Variants in GAS7 observed in about 807,000 individuals in gnomAD.
The protein encoded by GAS7 is growth arrest specific 7.
A neutral mutation model predicts 71.1 loss-of-function variants in GAS7; 28 were observed. The ratio of observed to expected loss-of-function variants is 0.39; its 90% confidence interval spans 0.29 to 0.54. The LOEUF is 0.54. Among genes scored for constraint, GAS7 ranks in the 20% least tolerant of loss-of-function variants. The pLI is 0.62. For synonymous variants in GAS7, 258 were observed against 245.8 expected, an observed-to-expected ratio of 1.05 and a Z score of -0.46; for missense variants, 436 against 627.8, an observed-to-expected ratio of 0.69 and a Z score of 3.27.
intron 1 of GAS7, among the ~76,000 whole-genome samples, chr17:10,140,370 G>T (rs2074070285): frequency 6.6e-6 from 1 of 152,090 alleles, no homozygotes; most frequent in East Asian, 1.9e-4. Flanking sequence ...GCTACGGTGG[G>T]AACATCATTT....
At chr17:9,925,386 G>A in intron 11 of GAS7, 90 bp downstream of exon 11, 1 of 1,343,574 alleles carries the variant, frequency 7.4e-7, no homozygotes, top group Non-Finnish European at 1.1e-6. Flanking sequence ...GCAAAGGAGA[G>A]ATGCACCCTC....
At position 10,029,747 on chromosome 17, in the gene GAS7, G is replaced by A. The variant is rs542598975; in HGVS notation, c.184-9850C>T. On this transcript the variant is annotated intron_variant, in intron 1 of 13. Coordinates refer to ENST00000432992, the MANE Select transcript of GAS7 (RefSeq NM_201433.2). The stretch of plus-strand genomic sequence containing the variant: ...CACACCTTTAGTCCCAGCTACTAGG[G>A]AGGCTGAGACAGGAGAATTGCTTGA... Among the ~76,000 whole-genome samples, 3 of 152,196 alleles carry A rather than the reference G, an allele frequency of 2.0e-5. No homozygotes were observed. The East Asian group carries it at 5.8e-4, about 29-fold the overall frequency.
chr17:10,159,407 C>G (rs547568093), intron 1 of GAS7, among the ~76,000 whole-genome samples: 1 of 152,024 alleles, frequency 6.6e-6, no homozygotes, highest in African/African-American at 2.4e-5. Flanking sequence ...ACCCAAAGAT[C>G]CAAGAGTAGG....
At chr17:9,931,155 T>C (rs1168687460) in intron 9 of GAS7, among the ~76,000 whole-genome samples, 1 of 152,198 alleles carries the variant, frequency 6.6e-6, no homozygotes, top group Admixed American at 6.5e-5. Flanking sequence ...ATTCGCTCAG[T>C]CCTTTCCTTT....
At chr17:10,192,521 T>A (rs1225921125) in intron 1 of GAS7, among the ~76,000 whole-genome samples, 2 of 152,152 alleles carry the variant, frequency 1.3e-5, no homozygotes, top group African/African-American at 4.8e-5. Context: ...TTTTCCAGAC[T>A]GAGAAGAGTA....
intron 1 of GAS7, among the ~76,000 whole-genome samples, chr17:10,049,169 C>G (rs143872689): frequency 6.6e-6 from 1 of 152,294 alleles, no homozygotes; most frequent in African/African-American, 2.4e-5. Context: ...TCGTGTCCAC[C>G]AAAGCAACAC....
chr17:10,010,399 G>A (rs1004625237), intron 2 of GAS7, among the ~76,000 whole-genome samples: 7 of 152,110 alleles, frequency 4.6e-5, no homozygotes, highest in South Asian at 2.1e-4. Context: ...TGATCCGCCC[G>A]CCTCAGCCTC....
chr17:9,986,951 C>T (rs1479973437), intron 2 of GAS7, among the ~76,000 whole-genome samples: 2 of 152,204 alleles, frequency 1.3e-5, no homozygotes, highest in South Asian at 2.1e-4. Flanking sequence ...GTGACCTCAC[C>T]AGCAGCAGGA....
At chr17:10,178,263 C>T (rs937009911) in intron 1 of GAS7, among the ~76,000 whole-genome samples, 6 of 152,164 alleles carry the variant, frequency 3.9e-5, no homozygotes, top group Admixed American at 6.5e-5. Flanking sequence ...TGGACCAGGA[C>T]GAAGGGCTTA....
intron 1 of GAS7, among the ~76,000 whole-genome samples, chr17:10,176,650 A>G (rs542411341): frequency 2.0e-5 from 3 of 152,240 alleles, no homozygotes; most frequent in African/African-American, 7.2e-5. Context: ...CCTCAGCTAC[A>G]CCCAGCTGTC....
At chr17:9,972,762 A>G (rs921246645) in intron 3 of GAS7, among the ~76,000 whole-genome samples, 3 of 152,228 alleles carry the variant, frequency 2.0e-5, no homozygotes, top group Non-Finnish European at 4.4e-5. Flanking sequence ...TAAATATACA[A>G]GATCCCCATC....
intron 1 of GAS7, among the ~76,000 whole-genome samples, chr17:10,066,186 C>T (rs1216582772): frequency 6.6e-6 from 1 of 152,168 alleles, no homozygotes; most frequent in African/African-American, 2.4e-5. Flanking sequence ...ACAAGAGAGA[C>T]TGTGACAAGG....
chr17:9,973,233 T>C (rs991673720), intron 3 of GAS7, among the ~76,000 whole-genome samples: 1 of 150,010 alleles, frequency 6.7e-6, no homozygotes, highest in African/African-American at 2.4e-5. Flanking sequence ...AAGAAAACAA[T>C]GGCACAACAA....
intron 1 of GAS7, among the ~76,000 whole-genome samples, chr17:10,122,089 C>T (rs1381863293): frequency 1.3e-5 from 2 of 152,318 alleles, no homozygotes; most frequent in Middle Eastern, 3.4e-3. Flanking sequence ...GCACCATCAT[C>T]AACGAGATGT....
At chr17:10,078,214 C>T (rs537689215) in intron 1 of GAS7, among the ~76,000 whole-genome samples, 2 of 152,088 alleles carry the variant, frequency 1.3e-5, no homozygotes, top group Non-Finnish European at 1.5e-5. Flanking sequence ...ACCTCAGGCT[C>T]CCCAGTAGCT....
rs553361194 is a variant in GAS7 at position 9,959,071 on chromosome 17, G to C, written c.525+131C>G. 14 of 1,340,972 alleles carry C rather than the reference G, an allele frequency of 1.0e-5. No individual in the cohort carries two copies. The African/African-American group carries it at 1.2e-4, about 11-fold the overall frequency. 83.1% of individuals were successfully genotyped at this position (1,340,972 alleles called of 1,614,324 possible). A position where few individuals can be genotyped will look rare whatever the true frequency, so the allele number is the denominator to read the frequency against. ...TGGATGGGGAACTTGAGTGAAATCC[G>C]AGCTTTGGAACTTCCCCGTTTCCAG... On this transcript the variant is annotated intron_variant, in intron 5 of 13. Coordinates refer to ENST00000432992, the MANE Select transcript of GAS7 (RefSeq NM_201433.2). The surrounding 1 kb of genome is among the most constrained non-coding windows in gnomAD (Gnocchi z 5.0).
At chr17:9,966,338 A>G (rs561654218) in intron 4 of GAS7, among the ~76,000 whole-genome samples, 3 of 152,044 alleles carry the variant, frequency 2.0e-5, no homozygotes, top group Non-Finnish European at 4.4e-5. Flanking sequence ...AGCTTGCTCA[A>G]GGAGGGGCAG....
chr17:9,973,784 G>T (rs2070071357), intron 3 of GAS7, among the ~76,000 whole-genome samples: 1 of 152,302 alleles, frequency 6.6e-6, no homozygotes, highest in South Asian at 2.1e-4. Context: ...CATGTGGCAG[G>T]CTTCCAGGTC....
At chr17:10,092,150 A>G (rs775985139) in intron 1 of GAS7, among the ~76,000 whole-genome samples, 5 of 152,036 alleles carry the variant, frequency 3.3e-5, no homozygotes, top group Admixed American at 6.5e-5. Flanking sequence ...GACTTCGCAC[A>G]TGTATTCTCT....
Sources: gnomAD v4.1 joint callset for allele counts (sites outside exome capture counted in the v4.1 genomes callset) on GRCh38, gnomAD v4.1.1 for gene constraint, Gnocchi (gnomAD v3.1) non-coding constraint, MANE v1.5 for transcripts, NCBI Gene and HGNC (gene_info 2026-07-23, HGNC 2026-07-21) for gene names.